TTLL7: variants seen among roughly 807,000 people sequenced by gnomAD.
TTLL7 encodes tubulin polyglutamylase TTLL7.
Under a neutral mutation model 120.2 loss-of-function variants are expected in TTLL7, and 53 were observed. The ratio of observed to expected loss-of-function variants is 0.44; its 90% CI spans 0.35 to 0.55. The LOEUF is 0.55. TTLL7 is among the 20% of genes least tolerant of loss of function. The pLI is 0.00. For missense variants in TTLL7, 803 were observed against 1,054.7 expected (o/e 0.76, Z 3.31); for synonymous variants, 353 against 351.7 (o/e 1.00, Z -0.04).
intron 17 of TTLL7, among the ~76,000 whole-genome samples, chr1:83,904,986 A>T (rs1657059645): frequency 6.6e-6 from 1 of 152,008 alleles, no homozygotes; most frequent in Non-Finnish European, 1.5e-5. Context: ...TACATTCTTT[A>T]TAGAACAATC....
intron 20 of TTLL7, among the ~76,000 whole-genome samples, chr1:83,881,154 G>A (rs542678002): frequency 6.6e-6 from 1 of 151,430 alleles, no homozygotes; most frequent in Non-Finnish European, 1.5e-5. Context: ...GAAAACCTAG[G>A]CAATACCATT....
Position 83,942,490 on chromosome 1 carries a change from C to T in TTLL7, c.696G>A (p.Lys232=). ...HDGLVRMGTE[K]YIPPNESNLT... ...AATTGGACTCATTAGGTGGAATGTA[C>T]TTCTCTGTACCCATTCGCACAAGCC... Residue 232 remains lysine, a synonymous_variant, in exon 7 of 21, where the codon AAG becomes AAA. Coordinates refer to ENST00000260505, the MANE Select transcript of TTLL7 (RefSeq NM_024686.6). 13 of 1,613,912 alleles carry T rather than the reference C, an allele frequency of 8.1e-6. No individual in the cohort carries two copies. The highest frequency in any genetic ancestry group is 1.1e-5 in the Non-Finnish European group (13 of 1,179,864).
chr1:83,994,931 G>A (rs565106848), intron 1 of TTLL7, among the ~76,000 whole-genome samples: 1 of 152,252 alleles, frequency 6.6e-6, no homozygotes, highest in South Asian at 2.1e-4. Flanking sequence ...TGTGGGTGAG[G>A]GAATGCAGAG....
At chr1:83,901,492 C>CA (rs1656723366) in intron 18 of TTLL7, among the ~76,000 whole-genome samples, 1 of 151,914 alleles carries the variant, frequency 6.6e-6, no homozygotes, top group Admixed American at 6.6e-5. Context: ...TTTAAATTAG[C>CA]AACTTACCTA....
intron 6 of TTLL7, among the ~76,000 whole-genome samples, chr1:83,945,628 C>T (rs1648415030): frequency 6.6e-6 from 1 of 152,146 alleles, no homozygotes; most frequent in African/African-American, 2.4e-5. Flanking sequence ...TACTGCATTA[C>T]ATGAGATAAA....
Position 83,947,111 on chromosome 1 carries a change from A to G in TTLL7, c.506+13T>C, listed in dbSNP as rs1280704951. On this transcript the variant is annotated intron_variant, in intron 6 of 20. Transcript: ENST00000260505. ...TTTTTATTTTTATATATTCCAAATA[A>G]AAGCAAACCTACCCATGACCCATTG... is the stretch of plus-strand genomic sequence containing the variant. 1 of 1,559,814 alleles carries G rather than the reference A, an allele frequency of 6.4e-7. No individual in the cohort carries two copies. Among genetic ancestry groups the G allele is most frequent in the South Asian group, 1.2e-5 (1 of 80,754 alleles).
At chr1:83,891,879 G>T (rs964140177) in intron 18 of TTLL7, among the ~76,000 whole-genome samples, 1 of 151,922 alleles carries the variant, frequency 6.6e-6, no homozygotes, top group Non-Finnish European at 1.5e-5. Flanking sequence ...CCAGGCTGGA[G>T]TGCAGGGGCA....
intron 19 of TTLL7, among the ~76,000 whole-genome samples, chr1:83,887,805 A>G (rs1182314404): frequency 3.4e-5 from 5 of 146,372 alleles, no homozygotes; most frequent in South Asian, 2.2e-4. Flanking sequence ...AGTAAATTAT[A>G]TACTCTGTTT....
At chr1:83,924,525 CAT>C (rs1658949140) in intron 10 of TTLL7, among the ~76,000 whole-genome samples, 1 of 152,012 alleles carries the variant, frequency 6.6e-6, no homozygotes. Context: ...CACTCAAATT[CAT>C]AGAGACACAA....
At chr1:83,872,302 A>T (rs976389470) in intron 20 of TTLL7, among the ~76,000 whole-genome samples, 1 of 152,262 alleles carries the variant, frequency 6.6e-6, no homozygotes, top group African/African-American at 2.4e-5. Context: ...ACAGGTGATG[A>T]ATAATGAAAC....
intron 15 of TTLL7, 29 bp from the exon 16 acceptor site, chr1:83,907,690 C>G (rs762011485): frequency 1.6e-5 from 25 of 1,592,566 alleles, no homozygotes; most frequent in Non-Finnish European, 2.1e-5. Context: ...AGGGATACTA[C>G]AGTAGCAGTA....
Position 83,911,319 on chromosome 1 carries a change from T to C in TTLL7, c.1632A>G (p.Pro544=), listed in dbSNP as rs1253223510. The part of the protein sequence containing the change: ...MPESTEIMKR[P]KYCSSDSSYD... The stretch of plus-strand genomic sequence containing the variant: ...AACTGCTGTCACTGCTGCAGTACTT[T>C]GGTCTTTTCATTATCTCAGTACTCT... The change falls in exon 15 of 21, where the codon CCA becomes CCG. Residue 544 remains proline, a synonymous_variant. Transcript: ENST00000260505. 4.3e-6 allele frequency: 7 copies of C among 1,613,822 alleles called. No homozygotes were observed. Among genetic ancestry groups the C allele is most frequent in the East Asian group, 4.5e-5 (2 of 44,830 alleles).
chr1:83,883,945 C>A (rs992713044), intron 19 of TTLL7, among the ~76,000 whole-genome samples: 2 of 151,988 alleles, frequency 1.3e-5, no homozygotes, highest in African/African-American at 4.8e-5. Context: ...ATCCCAGAAG[C>A]AGTATGCCTT....
At chr1:83,931,484 G>A (rs1030122275) in intron 9 of TTLL7, among the ~76,000 whole-genome samples, 12 of 151,340 alleles carry the variant, frequency 7.9e-5, no homozygotes, top group South Asian at 2.1e-4. Context: ...TTAACTCTCC[G>A]ATACACACAG....
chr1:83,953,731 T>A (rs776113265), intron 1 of TTLL7, among the ~76,000 whole-genome samples: 1 of 152,170 alleles, frequency 6.6e-6, no homozygotes, highest in Non-Finnish European at 1.5e-5. Context: ...CAAGGTAACA[T>A]GGCTTAGAAA....
chr1:83,981,856 T>G (rs34155960), intron 1 of TTLL7, among the ~76,000 whole-genome samples: 71,898 of 150,542 alleles, frequency 0.48, 18,197 homozygotes, highest in Non-Finnish European at 0.57. Flanking sequence ...ATCAACGAAG[T>G]TAGCTGGGGA....
At chr1:83,881,889 C>G (rs1185891929) in intron 20 of TTLL7, among the ~76,000 whole-genome samples, 2 of 149,788 alleles carry the variant, frequency 1.3e-5, no homozygotes, top group Non-Finnish European at 3.0e-5. Context: ...ACATATACAC[C>G]ATGGAATACT....
At chr1:83,871,766 G>A (rs1250082143) in intron 20 of TTLL7, among the ~76,000 whole-genome samples, 5 of 151,916 alleles carry the variant, frequency 3.3e-5, no homozygotes, top group African/African-American at 1.2e-4. Flanking sequence ...TTGTGGTGGC[G>A]AGTGCCTGTA....
At chr1:83,998,769 C>A (rs1008738302) in intron 1 of TTLL7, among the ~76,000 whole-genome samples, 162 bp downstream of exon 1, 3 of 152,202 alleles carry the variant, frequency 2.0e-5, no homozygotes, top group Non-Finnish European at 4.4e-5. Context: ...ATCATTTGCA[C>A]GAACGCAGCA....
Sources: allele counts gnomAD v4.1 joint callset (sites outside exome capture counted in the v4.1 genomes callset), GRCh38; gene constraint gnomAD v4.1.1; transcripts MANE v1.5; gene names NCBI Gene and HGNC (gene_info 2026-07-23, HGNC 2026-07-21).